LRRC20: variants seen among roughly 807,000 people sequenced by gnomAD.
The protein encoded by LRRC20 is leucine-rich repeat-containing protein 20.
A neutral mutation model predicts 14.4 loss-of-function variants in LRRC20; 11 were observed. That is an observed-to-expected ratio of 0.77 (90% CI 0.48 to 1.27). The LOEUF is 1.27. LRRC20 is among the 50% of genes most tolerant of loss of function. The pLI, the probability that LRRC20 is intolerant of heterozygous loss-of-function variation, is 0.00. For missense variants in LRRC20, 219 were observed against 251.2 expected (o/e 0.87, Z 0.87); for synonymous variants, 121 against 107.3 (o/e 1.13, Z -0.79).
At chr10:70,348,492 T>G (rs1319263670) in intron 2 of LRRC20, among the ~76,000 whole-genome samples, 1 of 152,240 alleles carries the variant, frequency 6.6e-6, no homozygotes, top group Non-Finnish European at 1.5e-5. Flanking sequence ...ACATGTGCTA[T>G]GTAAGTACGA....
At chr10:70,372,129 C>T (rs1844301003) in intron 2 of LRRC20, among the ~76,000 whole-genome samples, 2 of 152,162 alleles carry the variant, frequency 1.3e-5, no homozygotes, top group South Asian at 4.1e-4. Flanking sequence ...CTCCCAGGGG[C>T]CTCGGCTTTG....
At position 70,299,094 on chromosome 10, in the gene LRRC20, A is replaced by T. The variant is rs921458144; in HGVS notation, c.*2260T>A. On this transcript the variant is annotated 3_prime_UTR_variant, in exon 5 of 5. Transcript: ENST00000446961. Reference sequence around the variant, plus strand: ...AAGACAGACAAGGGCAAACTCTCCAAGCAGAGGAGAAAACAACTTCCAGAA... The same window carrying T: ...AAGACAGACAAGGGCAAACTCTCCATGCAGAGGAGAAAACAACTTCCAGAA... 2 of 152,642 alleles carry T rather than the reference A, an allele frequency of 1.3e-5. No individual in the cohort carries two copies. Among genetic ancestry groups the T allele is most frequent in the African/African-American group, 4.8e-5 (2 of 41,430 alleles). The allele number at this position is 152,642 out of a possible 1,614,324, so 9.5% of individuals were successfully genotyped here. A position where few individuals can be genotyped will look rare whatever the true frequency, so the allele number is the denominator to read the frequency against.
chr10:70,353,447 T>G (rs1843397686), intron 2 of LRRC20, among the ~76,000 whole-genome samples: 1 of 152,150 alleles, frequency 6.6e-6, no homozygotes, highest in Non-Finnish European at 1.5e-5. Flanking sequence ...AGACAGAGTC[T>G]CACTCTGTCA....
intron 4 of LRRC20, among the ~76,000 whole-genome samples, chr10:70,319,795 A>T (rs997147547): frequency 1.3e-5 from 2 of 152,196 alleles, no homozygotes; most frequent in African/African-American, 4.8e-5. Context: ...GAAACTTATA[A>T]ATGGCTCTTA....
Position 70,372,567 on chromosome 10 carries a change from G to A in LRRC20, c.82+3885C>T, listed in dbSNP as rs569768268. ...CACCATTCTCCTGCCTCAGCCTCCC[G>A]AGTAGCTGGGACTACAGGTGCCCGC... On this transcript the variant is annotated intron_variant, in intron 2 of 4. Coordinates refer to ENST00000446961, the MANE Select transcript of LRRC20 (RefSeq NM_001278212.2). Among the ~76,000 whole-genome samples, 182 of 149,464 alleles carry A rather than the reference G, an allele frequency of 1.2e-3. 1 individual carries two copies. The highest frequency in any genetic ancestry group is 4.1e-3 in the African/African-American group (165 of 40,706).
At chr10:70,367,447 C>T (rs1844058238) in intron 2 of LRRC20, among the ~76,000 whole-genome samples, 1 of 151,950 alleles carries the variant, frequency 6.6e-6, no homozygotes, top group Admixed American at 6.6e-5. Context: ...ATGAAACAGT[C>T]CAAATGTCCT....
intron 3 of LRRC20, among the ~76,000 whole-genome samples, chr10:70,335,535 C>T (rs943464645): frequency 6.6e-6 from 1 of 152,222 alleles, no homozygotes; most frequent in Non-Finnish European, 1.5e-5. Flanking sequence ...GCAGAAGGAG[C>T]TCGCAACCTC....
chr10:70,380,407 C>T (rs1844660138), intron 1 of LRRC20, among the ~76,000 whole-genome samples: 1 of 152,240 alleles, frequency 6.6e-6, no homozygotes, highest in Non-Finnish European at 1.5e-5. Context: ...CCCCTTTCTC[C>T]ACAAGGAAGA....
chr10:70,309,443 C>A (rs1841557461), intron 4 of LRRC20, among the ~76,000 whole-genome samples: 1 of 152,216 alleles, frequency 6.6e-6, no homozygotes, highest in Non-Finnish European at 1.5e-5. Context: ...CCATACACTT[C>A]AACACACAAC....
At chr10:70,334,809 C>T (rs959133360) in intron 3 of LRRC20, among the ~76,000 whole-genome samples, 8 of 152,362 alleles carry the variant, frequency 5.3e-5, no homozygotes, top group Non-Finnish European at 7.4e-5. Flanking sequence ...GTGGCCCCCT[C>T]TGGCACCAAG....
At chr10:70,333,617 GTC>G (rs1442336283) in intron 3 of LRRC20, among the ~76,000 whole-genome samples, 1 of 152,212 alleles carries the variant, frequency 6.6e-6, no homozygotes, top group Non-Finnish European at 1.5e-5. Context: ...CCATGCAGGG[GTC>G]ACAAACAGTT....
At chr10:70,376,811 T>C (rs1564651147) in intron 1 of LRRC20, 5 of 472,586 alleles carry the variant, frequency 1.1e-5, no homozygotes, top group Non-Finnish European at 1.9e-5. Context: ...AGCTGGGTTC[T>C]ACTGGTTTTC....
intron 3 of LRRC20, among the ~76,000 whole-genome samples, chr10:70,333,603 GC>G (rs146199417): frequency 0.015 from 2,252 of 152,320 alleles, 51 homozygotes; most frequent in African/African-American, 0.052. Flanking sequence ...CTGCCCAGAA[GC>G]AGCCATGCAG....
intron 2 of LRRC20, among the ~76,000 whole-genome samples, chr10:70,374,300 T>C (rs1844418356): frequency 6.6e-6 from 1 of 150,644 alleles, no homozygotes; most frequent in Admixed American, 6.6e-5. Flanking sequence ...CTCTCCACTC[T>C]TGCCACATCT....
chr10:70,339,293 C>T (rs1173351137), intron 3 of LRRC20, among the ~76,000 whole-genome samples: 1 of 152,184 alleles, frequency 6.6e-6, no homozygotes, highest in Non-Finnish European at 1.5e-5. Context: ...CGTCTTTGTA[C>T]CAGCAGACAC....
intron 2 of LRRC20, among the ~76,000 whole-genome samples, chr10:70,368,316 C>T (rs1364912379): frequency 6.6e-6 from 1 of 151,864 alleles, no homozygotes; most frequent in Non-Finnish European, 1.5e-5. Context: ...CACCACCACG[C>T]CCGGCTAATT....
chr10:70,353,420 T>C (rs1283909894), intron 2 of LRRC20, among the ~76,000 whole-genome samples: 1 of 152,112 alleles, frequency 6.6e-6, no homozygotes, highest in East Asian at 1.9e-4. Context: ...CACTATTTTG[T>C]ATTTTTTATT....
Position 70,376,217 on chromosome 10 carries a change from C to T in LRRC20, c.82+235G>A, listed in dbSNP as rs533026698. Among the ~76,000 whole-genome samples, 30 of 152,306 alleles carry T rather than the reference C, an allele frequency of 2.0e-4. 1 individual carries two copies. The South Asian group carries it at 6.2e-3, about 32-fold the overall frequency. ...GCACACACACTCAGTCATCAGCAGT[C>T]AAAGGACAAGCAGGCAGGCGCCATC... On this transcript the variant is annotated intron_variant, in intron 2 of 4. Transcript: ENST00000446961.
At chr10:70,370,348 G>A (rs189433986) in intron 2 of LRRC20, among the ~76,000 whole-genome samples, 109 of 152,266 alleles carry the variant, frequency 7.2e-4, no homozygotes, top group African/African-American at 2.5e-3. Context: ...TAGTTCACCA[G>A]ACAGGAGCAC....
Sources: allele counts gnomAD v4.1 joint callset (sites outside exome capture counted in the v4.1 genomes callset), GRCh38; gene constraint gnomAD v4.1.1; transcripts MANE v1.5; gene names NCBI Gene and HGNC (gene_info 2026-07-23, HGNC 2026-07-21).